Variants in CNTNAP2 observed in about 807,000 individuals in gnomAD.
The protein encoded by CNTNAP2 is contactin associated protein 2, also known as contactin-associated protein-like 2.
A neutral mutation model predicts 155.2 loss-of-function variants in CNTNAP2; 98 were observed. The ratio of observed to expected loss-of-function variants is 0.63; its 90% CI spans 0.54 to 0.75. The LOEUF (loss-of-function observed/expected upper bound fraction) is 0.75. Ranked by LOEUF, CNTNAP2 falls within the 30% of genes least tolerant of loss-of-function variation. The pLI is 0.00. For missense variants in CNTNAP2, 1,727 were observed against 1,688.1 expected (o/e 1.02, Z -0.40); for synonymous variants, 651 against 631.2 (o/e 1.03, Z -0.47).
rs552146798 is a variant in CNTNAP2 at position 148,045,382 on chromosome 7, C to T, written c.2383+67393C>T. On this transcript the variant is annotated intron_variant, in intron 15 of 23. Coordinates refer to ENST00000361727, the MANE Select transcript of CNTNAP2 (RefSeq NM_014141.6). ...CCAGTTTCATGGAGCCACACTGTGC[C>T]TGAGCGGTAGTAACTGTGGCATCTC... is the stretch of plus-strand genomic sequence containing the variant. Among the ~76,000 whole-genome samples, 8 of 152,260 alleles carry T rather than the reference C, an allele frequency of 5.3e-5. No individual in the cohort carries two copies. In the South Asian group the frequency reaches 1.7e-3, roughly 32 times the overall value.
At chr7:146,117,947 C>A (rs1261690988) in intron 1 of CNTNAP2, among the ~76,000 whole-genome samples, 1 of 152,052 alleles carries the variant, frequency 6.6e-6, no homozygotes, top group Admixed American at 6.5e-5. Context: ...AAAGAATTAT[C>A]GTGGAGATTT....
At chr7:147,955,486 T>A (rs775967982) in intron 14 of CNTNAP2, among the ~76,000 whole-genome samples, 3 of 152,134 alleles carry the variant, frequency 2.0e-5, no homozygotes, top group Non-Finnish European at 4.4e-5. Context: ...AAAAGGAAAT[T>A]GATGTCTTAA....
Position 146,839,705 on chromosome 7 carries a change from C to T in CNTNAP2, c.209-6C>T. 1 of 1,614,194 alleles carries T rather than the reference C, an allele frequency of 6.2e-7. No individual in the cohort carries two copies. The highest frequency in any genetic ancestry group is 8.5e-7 in the Non-Finnish European group (1 of 1,180,014). On this transcript the variant is annotated splice_region_variant and splice_polypyrimidine_tract_variant and intron_variant, in intron 2 of 23. Transcript: ENST00000361727. Reference sequence around the variant, plus strand: ...ATTTTCCCATCTTACCTCTGCCCATCTTCAGGTGCTGGGGGATGGTCTCCA... The same window carrying T: ...ATTTTCCCATCTTACCTCTGCCCATTTTCAGGTGCTGGGGGATGGTCTCCA...
chr7:146,637,849 A>C (rs892664217), intron 1 of CNTNAP2, among the ~76,000 whole-genome samples: 5 of 152,248 alleles, frequency 3.3e-5, no homozygotes, highest in African/African-American at 1.2e-4. Flanking sequence ...TTTTAAAATC[A>C]GTATTAATCA....
intron 4 of CNTNAP2, among the ~76,000 whole-genome samples, chr7:147,048,242 A>G (rs1170546592): frequency 4.6e-5 from 7 of 152,004 alleles, no homozygotes; most frequent in Non-Finnish European, 8.8e-5. Context: ...CACATGTGTC[A>G]TTGTAAAAGG....
intron 1 of CNTNAP2, among the ~76,000 whole-genome samples, chr7:146,585,747 AGAAG>A (rs372716538): frequency 0.057 from 8,597 of 150,296 alleles, 836 homozygotes; most frequent in African/African-American, 0.2. Flanking sequence ...AGAAAAAGAA[AGAAG>A]GAAAGAAAGA....
chr7:147,957,021 A>T (rs1258242406), intron 14 of CNTNAP2, among the ~76,000 whole-genome samples: 2 of 152,342 alleles, frequency 1.3e-5, no homozygotes, highest in East Asian at 3.9e-4. Flanking sequence ...TAGATGCGGT[A>T]AAATAACATC....
chr7:148,048,215 C>T (rs1278354952), intron 15 of CNTNAP2, among the ~76,000 whole-genome samples: 1 of 152,126 alleles, frequency 6.6e-6, no homozygotes, highest in Non-Finnish European at 1.5e-5. Context: ...TGAGCCACCA[C>T]ACCCAGCCAC....
rs200796835 is a variant in CNTNAP2 at position 146,483,282 on chromosome 7, AATATATATATATATATAT to A, written c.98-290959_98-290942del. Among the ~76,000 whole-genome samples, 28 of 39,880 alleles carry A rather than the reference AATATATATATATATATAT, an allele frequency of 7.0e-4. 1 individual carries two copies. Among genetic ancestry groups the A allele is most frequent in the South Asian group, 4.2e-3 (5 of 1,188 alleles). The allele number at this position is 39,880 out of a possible 152,430, so 26.2% of individuals were successfully genotyped here. A position where few individuals can be genotyped will look rare whatever the true frequency, so the allele number is the denominator to read the frequency against. ...CAGAGCAAGACTCCGTCTAAAAAAA[AATATATATATATATATAT>A]ATATATATATATATATATATATATA... is the stretch of plus-strand genomic sequence containing the variant. On this transcript the variant is annotated intron_variant, in intron 1 of 23. Coordinates refer to ENST00000361727, the MANE Select transcript of CNTNAP2 (RefSeq NM_014141.6).
At chr7:146,249,236 A>C (rs982250703) in intron 1 of CNTNAP2, among the ~76,000 whole-genome samples, 1 of 152,238 alleles carries the variant, frequency 6.6e-6, no homozygotes, top group Non-Finnish European at 1.5e-5. Context: ...GTAAGTGTTC[A>C]GTAAATGTAA....
At chr7:146,942,153 G>A (rs1307876450) in intron 3 of CNTNAP2, among the ~76,000 whole-genome samples, 1 of 151,218 alleles carries the variant, frequency 6.6e-6, no homozygotes, top group Non-Finnish European at 1.5e-5. Flanking sequence ...TTTTGATGTT[G>A]TCTCATAATT....
intron 11 of CNTNAP2, among the ~76,000 whole-genome samples, chr7:147,504,928 GCA>G: frequency 6.6e-6 from 1 of 151,676 alleles, no homozygotes; most frequent in South Asian, 2.1e-4. Context: ...GATTAAATAT[GCA>G]CACACACATG....
chr7:146,567,951 A>AT (rs1010272057), intron 1 of CNTNAP2, among the ~76,000 whole-genome samples: 1 of 152,116 alleles, frequency 6.6e-6, no homozygotes, highest in African/African-American at 2.4e-5. Context: ...CTCGAAAAAC[A>AT]TTTTTTATAT....
chr7:147,476,109 T>C (rs1213157990), intron 10 of CNTNAP2, among the ~76,000 whole-genome samples: 2 of 151,944 alleles, frequency 1.3e-5, no homozygotes, highest in Non-Finnish European at 2.9e-5. Context: ...TTTTATTTAT[T>C]TATTTATTTA....
At chr7:146,609,634 C>T (rs1799102266) in intron 1 of CNTNAP2, among the ~76,000 whole-genome samples, 1 of 151,988 alleles carries the variant, frequency 6.6e-6, no homozygotes, top group Non-Finnish European at 1.5e-5. Context: ...GATTTTGGGC[C>T]ATGGTAGAGG....
chr7:147,662,813 A>G (rs777270028), intron 13 of CNTNAP2, among the ~76,000 whole-genome samples: 11 of 152,216 alleles, frequency 7.2e-5, no homozygotes, highest in Non-Finnish European at 1.0e-4. Flanking sequence ...ATCATCTCAA[A>G]CTATCTAGCA....
Position 147,605,915 on chromosome 7 carries a change from C to CTGTGTGTG in CNTNAP2, c.1898-33183_1898-33176dup, listed in dbSNP as rs144478388. Reference sequence around the variant, plus strand: ...TCTCTCTCTCTCTCTTTCTCTCTCTCTGTGTGTGTGTGTGTTTGTGTGTCT... The same window carrying CTGTGTGTG: ...TCTCTCTCTCTCTCTTTCTCTCTCTCTGTGTGTGTGTGTGTGTGTGTGTTTGTGTGTCT... On this transcript the variant is annotated intron_variant, in intron 12 of 23. Coordinates refer to ENST00000361727, the MANE Select transcript of CNTNAP2 (RefSeq NM_014141.6). Among the ~76,000 whole-genome samples, 767 of 151,138 alleles carry CTGTGTGTG rather than the reference C, an allele frequency of 5.1e-3. 7 individuals carry two copies. Among genetic ancestry groups the CTGTGTGTG allele is most frequent in the African/African-American group, 0.018 (739 of 41,172 alleles).
chr7:147,175,481 A>G (rs1444106315), intron 8 of CNTNAP2, among the ~76,000 whole-genome samples: 2 of 152,170 alleles, frequency 1.3e-5, no homozygotes, highest in African/African-American at 4.8e-5. Flanking sequence ...CTTGTTAGGC[A>G]TAATTTTATA....
intron 1 of CNTNAP2, among the ~76,000 whole-genome samples, chr7:146,733,429 CAAGAAAT>C (rs1801560304): frequency 1.3e-5 from 2 of 151,728 alleles, no homozygotes; most frequent in South Asian, 2.1e-4. Flanking sequence ...AAACAAAAAA[CAAGAAAT>C]AAAATATATA....
Sources: gnomAD v4.1 joint callset for allele counts (sites outside exome capture counted in the v4.1 genomes callset) on GRCh38, gnomAD v4.1.1 for gene constraint, MANE v1.5 for transcripts, NCBI Gene and HGNC (gene_info 2026-07-23, HGNC 2026-07-21) for gene names.